Variants in MOCS1 observed in about 807,000 individuals in gnomAD.
The protein encoded by MOCS1 is molybdenum cofactor synthesis 1, also known as molybdenum cofactor biosynthesis protein 1.
MOCS1 carries 39 observed loss-of-function variants against 57.6 expected under a neutral mutation model. That is an observed-to-expected ratio of 0.68 (90% CI 0.52 to 0.88). MOCS1 has a LOEUF of 0.88. Ranked by LOEUF, MOCS1 falls within the 40% of genes least tolerant of loss-of-function variation. The probability of loss-of-function intolerance (pLI) is 0.00; values close to 1 mark genes in which losing one functional copy is unlikely to be tolerated. For missense variants in MOCS1, 795 were observed against 831.1 expected (o/e 0.96, Z 0.53); for synonymous variants, 334 against 335.7 (o/e 1.00, Z 0.05).
chr6:39,905,059 C>T lies in MOCS1; in HGVS notation c.*1298G>A. 1 of 454,154 alleles carries T rather than the reference C, an allele frequency of 2.2e-6. No individual in the cohort carries two copies. The highest frequency in any genetic ancestry group is 4.4e-6 in the Non-Finnish European group (1 of 226,814). The allele number at this position is 454,154 out of a possible 1,614,324, so 28.1% of individuals were successfully genotyped here. ...GTATTTATATCACAAATTGTCTTTT[C>T]CAGAGAGCTGGTTGTTTAATATTTG... On this transcript the variant is annotated 3_prime_UTR_variant, in exon 11 of 11. Transcript: ENST00000340692.
intron 10 of MOCS1, among the ~76,000 whole-genome samples, chr6:39,908,723 G>A (rs1270765897): frequency 2.0e-5 from 3 of 152,132 alleles, no homozygotes; most frequent in Non-Finnish European, 4.4e-5. Context: ...TTTTAGAGCC[G>A]AGGAAAAGGC....
chr6:39,907,221 T>TCATACCGGGGAAAGAG (rs1767018475), intron 10 of MOCS1, 104 bp from the exon 11 acceptor site: 1 of 1,234,292 alleles, frequency 8.1e-7, no homozygotes, highest in Non-Finnish European at 1.1e-6. Flanking sequence ...AAGTTCTCTT[T>TCATACCGGGGAAAGAG]CATACCGGGG....
At chr6:39,915,992 G>A (rs1767634104) in intron 4 of MOCS1, 76 bp downstream of exon 4, 1 of 1,501,566 alleles carries the variant, frequency 6.7e-7, no homozygotes, top group African/African-American at 1.4e-5. Context: ...CAGGCCCCTG[G>A]CTCAGCAATG....
rs1276926562 is a variant in MOCS1, at chr6:39,904,808, A to C, written c.*1549T>G. ...ATCTACAGTGTCCTTTTTCACTTGC[A>C]CCTTTTTTATAAGAATATATTGTAA... On this transcript the variant is annotated 3_prime_UTR_variant, in exon 11 of 11. Coordinates refer to ENST00000340692, the MANE Select transcript of MOCS1 (RefSeq NM_001358530.2). 6.6e-6 allele frequency: 3 copies of C among 454,078 alleles called. No homozygotes were observed. The highest frequency in any genetic ancestry group is 3.1e-5 in the South Asian group (2 of 64,462). 28.1% of individuals were successfully genotyped at this position (454,078 alleles called of 1,614,324 possible).
chr6:39,925,885 G>A (rs1304505551), intron 2 of MOCS1, 40 bp from the exon 3 acceptor site: 3 of 1,586,134 alleles, frequency 1.9e-6, no homozygotes, highest in East Asian at 2.2e-5. Flanking sequence ...GGAGGAAAGA[G>A]GCACGGCCAC....
chr6:39,927,409 A>T lies in MOCS1; in HGVS notation c.170T>A (p.Phe57Tyr). The T allele has an allele frequency of 6.2e-7, 1 of 1,612,724 alleles. No individual in the cohort carries two copies. The highest frequency in any genetic ancestry group is 1.1e-5 in the South Asian group (1 of 91,038). Residue 57 changes from phenylalanine (F) to tyrosine (Y), a missense_variant, in exon 2 of 11, where the codon TTC becomes TAC. By Grantham distance (22) the Phe-to-Tyr change is conservative. This residue lies in a region of MOCS1 where 416 missense variants were observed against 392.4 expected (regional missense o/e 1.06). Coordinates refer to ENST00000340692, the MANE Select transcript of MOCS1 (RefSeq NM_001358530.2). ...RQFLREHAAPFSAFLTDSFGR... is the reference protein window; with the variant it reads ...RQFLREHAAPYSAFLTDSFGR... ...GAAGCTGTCTGTGAGGAAGGCGGAG[A>T]AGGGGGCCGCATGCTCCCGCAGGAA...
rs1458082495 is a variant in MOCS1 at position 39,904,390 on chromosome 6, G to GCT, written c.*1965_*1966dup. 4.4e-6 allele frequency: 2 copies of GCT among 456,292 alleles called. No homozygotes were observed. Among genetic ancestry groups the GCT allele is most frequent in the East Asian group, 1.4e-4 (2 of 14,394 alleles). The allele number at this position is 456,292 out of a possible 1,614,324, so 28.3% of individuals were successfully genotyped here. ...CTCATACTCAACTGAGTAAGAAGGG[G>GCT]CTGGTGCCCAGTCGGGGTGGCTGAG... On this transcript the variant is annotated 3_prime_UTR_variant, in exon 11 of 11. Transcript: ENST00000340692.
At chr6:39,934,247 G>C (rs777549348) in intron 1 of MOCS1, 48 bp downstream of exon 1, 4 of 1,496,604 alleles carry the variant, frequency 2.7e-6, no homozygotes, top group Non-Finnish European at 3.5e-6. Flanking sequence ...AGTGTGCCGG[G>C]GCCACTCCTG....
intron 3 of MOCS1, among the ~76,000 whole-genome samples, chr6:39,923,240 C>T (rs144492698): frequency 5.3e-4 from 81 of 152,314 alleles, no homozygotes; most frequent in African/African-American, 1.9e-3. Flanking sequence ...TCAGCCAGGG[C>T]CAATAACCAC....
At chr6:39,932,945 C>T (rs1343765976) in intron 1 of MOCS1, among the ~76,000 whole-genome samples, 1 of 152,100 alleles carries the variant, frequency 6.6e-6, no homozygotes, top group East Asian at 1.9e-4. Flanking sequence ...ATGGGGCTGC[C>T]CCAGAGTCTA....
At chr6:39,929,928 C>T (rs951301744) in intron 1 of MOCS1, among the ~76,000 whole-genome samples, 4 of 111,920 alleles carry the variant, frequency 3.6e-5, no homozygotes, top group African/African-American at 1.6e-4. Flanking sequence ...GGCAACAGAG[C>T]GAGATTCTCT....
Position 39,904,979 on chromosome 6 carries a change from A to C in MOCS1, c.*1378T>G. On this transcript the variant is annotated 3_prime_UTR_variant, in exon 11 of 11. Coordinates refer to ENST00000340692, the MANE Select transcript of MOCS1 (RefSeq NM_001358530.2). ...GTGAGAACCAATTGTTTACATTTTC[A>C]GAAATTTTGCAAGCCATTTGACATA... 1 of 454,076 alleles carries C rather than the reference A, an allele frequency of 2.2e-6. No individual in the cohort carries two copies. The highest frequency in any genetic ancestry group is 4.4e-6 in the Non-Finnish European group (1 of 226,800). The allele number at this position is 454,076 out of a possible 1,614,324, so 28.1% of individuals were successfully genotyped here.
Position 39,934,438 on chromosome 6 carries a change from C to T in MOCS1, c.-21G>A, listed in dbSNP as rs1273750400. 1.9e-6 allele frequency: 3 copies of T among 1,562,554 alleles called. No individual in the cohort carries two copies. The African/African-American group carries it at 4.0e-5, about 21-fold the overall frequency. On this transcript the variant is annotated 5_prime_UTR_variant, in exon 1 of 11. Transcript: ENST00000340692. ...GCCATGAAGCCTGATACGAGCGGAA[C>T]CGCAGCCCGCTTCGGGAGCACACTG...
Position 39,905,076 on chromosome 6 carries a change from T to TAATA in MOCS1, c.*1277_*1280dup, listed in dbSNP as rs1369524696. 2.2e-6 allele frequency: 1 copy of TAATA among 454,334 alleles called. No homozygotes were observed. The allele number at this position is 454,334 out of a possible 1,614,324, so 28.1% of individuals were successfully genotyped here. ...TGTCTTTTCCAGAGAGCTGGTTGTT[T>TAATA]AATATTTGCCAGCACACCTTGGCAT... On this transcript the variant is annotated 3_prime_UTR_variant, in exon 11 of 11. Coordinates refer to ENST00000340692, the MANE Select transcript of MOCS1 (RefSeq NM_001358530.2).
At position 39,905,526 on chromosome 6, in the gene MOCS1, A is replaced by G. The variant is rs1235594658; in HGVS notation, c.*831T>C. On this transcript the variant is annotated 3_prime_UTR_variant, in exon 11 of 11. Transcript: ENST00000340692. ...ACAGTGTCTTCATTCTTGCATCTGCAAAGTTGGCATCGTAGCTTTATTTGT... is the reference window on the plus strand; with the variant it reads ...ACAGTGTCTTCATTCTTGCATCTGCGAAGTTGGCATCGTAGCTTTATTTGT... The G allele has an allele frequency of 6.4e-6, 3 of 471,060 alleles. No individual in the cohort carries two copies. Among genetic ancestry groups the G allele is most frequent in the East Asian group, 1.4e-4 (2 of 14,404 alleles). 29.2% of individuals were successfully genotyped at this position (471,060 alleles called of 1,614,324 possible).
At chr6:39,923,145 A>G (rs1211510749) in intron 3 of MOCS1, among the ~76,000 whole-genome samples, 1 of 152,196 alleles carries the variant, frequency 6.6e-6, no homozygotes, top group Non-Finnish European at 1.5e-5. Context: ...GGCAGGAGGT[A>G]AATCCTCAGA....
chr6:39,925,452 G>A (rs2149418874), intron 3 of MOCS1, among the ~76,000 whole-genome samples: 1 of 152,306 alleles, frequency 6.6e-6, no homozygotes, highest in South Asian at 2.1e-4. Context: ...AAGCTACTGA[G>A]GTCTGGCATT....
chr6:39,906,684 C>T lies in MOCS1; in HGVS notation c.1584G>A (p.Lys528=). 1 of 1,614,154 alleles carries T rather than the reference C, an allele frequency of 6.2e-7. No individual in the cohort carries two copies. Among genetic ancestry groups the T allele is most frequent in the South Asian group, 1.1e-5 (1 of 91,084 alleles). The change falls in exon 11 of 11, where the codon AAG becomes AAA. Residue 528 remains lysine, a synonymous_variant. Transcript: ENST00000340692. ...AFKLVQQNQL[K]KGDALVVAQL... Reference sequence around the variant, plus strand: ...GGGCCACCACTAGGGCATCTCCTTTCTTGAGCTGGTTCTGCTGGACAAGCT... The same window carrying T: ...GGGCCACCACTAGGGCATCTCCTTTTTTGAGCTGGTTCTGCTGGACAAGCT...
chr6:39,912,821 G>C (rs1305187310), intron 7 of MOCS1, 71 bp downstream of exon 7: 1 of 1,191,640 alleles, frequency 8.4e-7, no homozygotes, highest in Admixed American at 1.7e-5. Context: ...GCAGCTCCCT[G>C]CTAGCTCTCC....
Sources: allele counts gnomAD v4.1 joint callset (sites outside exome capture counted in the v4.1 genomes callset), GRCh38; gene constraint gnomAD v4.1.1; regional missense constraint gnomAD v4.1.1; transcripts MANE v1.5; gene names NCBI Gene and HGNC (gene_info 2026-07-23, HGNC 2026-07-21).